The following LRP1B variants were observed in gnomAD, a reference collection of about 807,000 sequenced individuals.
LRP1B encodes the protein low-density lipoprotein receptor-related protein 1B.
Under a neutral mutation model 556.6 loss-of-function variants are expected in LRP1B, and 217 were observed. The ratio of observed to expected loss-of-function variants is 0.39; its 90% CI spans 0.35 to 0.44. The LOEUF is 0.44. LRP1B is among the 20% of genes least tolerant of loss of function. The pLI is 1.00. For synonymous variants in LRP1B, 2,047 were observed against 1,865.8 expected (o/e 1.10, Z -2.50); for missense variants, 5,053 against 5,620.8 (o/e 0.90, Z 3.23).
rs933019568 is a variant in LRP1B at position 141,271,172 on chromosome 2, A to G, written c.344-16531T>C. ...TTAACTAACAGAAGGAAGAAATGAT[A>G]AACTTGAAGTCATATTATATAATCG... On this transcript the variant is annotated intron_variant, in intron 3 of 90. Coordinates refer to ENST00000389484, the MANE Select transcript of LRP1B (RefSeq NM_018557.3). 2.0e-5 allele frequency among the ~76,000 whole-genome samples: 3 copies of G among 151,886 alleles called. No individual in the cohort carries two copies. In the East Asian group the frequency reaches 5.8e-4, roughly 29 times the overall value.
intron 1 of LRP1B, among the ~76,000 whole-genome samples, chr2:142,106,556 A>C (rs1706753023): frequency 6.6e-6 from 1 of 152,178 alleles, no homozygotes; most frequent in African/African-American, 2.4e-5. Flanking sequence ...ATACTCCATT[A>C]TAAATTCTAT....
intron 43 of LRP1B, among the ~76,000 whole-genome samples, chr2:140,542,861 G>A (rs907740801): frequency 3.3e-5 from 5 of 152,078 alleles, no homozygotes; most frequent in South Asian, 2.1e-4. Context: ...TGATAAGTGC[G>A]TGCACATGTG....
chr2:140,525,903 G>A lies in LRP1B; in HGVS notation c.7967C>T (p.Thr2656Ile), dbSNP rs201766309. 6.8e-6 allele frequency: 11 copies of A among 1,612,416 alleles called. No homozygotes were observed. The East Asian group carries it at 2.5e-4, about 36-fold the overall frequency. ...CNSTSLCVLP[T>I]WICDGSNDCG... is the part of the protein sequence containing the mutation. ...GTCATTAGACCCGTCGCATATCCAG[G>A]TTGGCAGAACACACAGTGAGGTAGA... Residue 2656 changes from threonine to isoleucine, a missense_variant, in exon 49 of 91, where the codon ACC becomes ATC. Coordinates refer to ENST00000389484, the MANE Select transcript of LRP1B (RefSeq NM_018557.3).
chr2:140,858,532 G>GAGAGAGAGAGA, intron 27 of LRP1B, among the ~76,000 whole-genome samples: 1 of 143,420 alleles, frequency 7.0e-6, no homozygotes, highest in Non-Finnish European at 1.5e-5. Flanking sequence ...GAGAGAGAAA[G>GAGAGAGAGAGA]GAAAGAGAAA....
intron 1 of LRP1B, among the ~76,000 whole-genome samples, chr2:141,908,073 T>C (rs1699806026): frequency 6.6e-6 from 1 of 152,068 alleles, no homozygotes; most frequent in African/African-American, 2.4e-5. Flanking sequence ...TAAAATATGC[T>C]GCAGTAAATC....
intron 7 of LRP1B, among the ~76,000 whole-genome samples, chr2:141,073,647 T>C (rs1422040003): frequency 6.6e-6 from 1 of 152,122 alleles, no homozygotes; most frequent in African/African-American, 2.4e-5. Context: ...ATCTCATATA[T>C]AACATACCTA....
At chr2:140,665,393 T>C (rs1306277527) in intron 41 of LRP1B, among the ~76,000 whole-genome samples, 5 of 152,196 alleles carry the variant, frequency 3.3e-5, no homozygotes. Flanking sequence ...CCTGGTCCAG[T>C]ATTTTTCTAC....
At chr2:141,795,047 T>G (rs1416781874) in intron 2 of LRP1B, among the ~76,000 whole-genome samples, 1 of 152,122 alleles carries the variant, frequency 6.6e-6, no homozygotes, top group Non-Finnish European at 1.5e-5. Flanking sequence ...ATTGTATTAA[T>G]TGATTTTCAA....
Position 141,062,125 on chromosome 2 carries a change from C to T in LRP1B, c.1162G>A (p.Asp388Asn), listed in dbSNP as rs2105468297. 6.2e-7 allele frequency: 1 copy of T among 1,612,120 alleles called. No individual in the cohort carries two copies. Among genetic ancestry groups the T allele is most frequent in the East Asian group, 2.2e-5 (1 of 44,792 alleles). ...ACTCCCACATAGTCCAAGTAAAGATCTACCCAGTAAACCAATTTGTTGACT... is the reference window on the plus strand; with the variant it reads ...ACTCCCACATAGTCCAAGTAAAGATTTACCCAGTAAACCAATTTGTTGACT... ...DLVNKLVYWVDLYLDYVGVVD... is the reference protein window; with the variant it reads ...DLVNKLVYWVNLYLDYVGVVD... Residue 388 changes from aspartate to asparagine, a missense_variant, in exon 8 of 91, where the codon GAT (aspartate) becomes AAT (asparagine). By Grantham distance (23) the Asp-to-Asn change is conservative (BLOSUM62 1). Around this residue, in one of 5 missense-constraint regions of LRP1B, gnomAD observed 3,619 missense variants for 3,931.9 expected, o/e 0.92. Transcript: ENST00000389484.
At chr2:140,408,767 G>T (rs1558862342) in intron 66 of LRP1B, among the ~76,000 whole-genome samples, 1 of 151,734 alleles carries the variant, frequency 6.6e-6, no homozygotes, top group Admixed American at 6.6e-5. Context: ...CTACATCAGA[G>T]AAAAAAATGA....
At chr2:140,908,254 C>A (rs962369421) in intron 21 of LRP1B, among the ~76,000 whole-genome samples, 177 bp from the exon 22 acceptor site, 13 of 150,980 alleles carry the variant, frequency 8.6e-5, no homozygotes, top group Admixed American at 3.3e-4. Flanking sequence ...ATATTTCTTG[C>A]CCTGGTCTTA....
At chr2:142,123,001 G>T (rs1707512109) in intron 1 of LRP1B, among the ~76,000 whole-genome samples, 1 of 152,044 alleles carries the variant, frequency 6.6e-6, no homozygotes, top group Non-Finnish European at 1.5e-5. Context: ...CTGAGCAGTA[G>T]TGGACAGAAG....
chr2:141,948,071 G>A (rs538224939), intron 1 of LRP1B, among the ~76,000 whole-genome samples: 1 of 152,184 alleles, frequency 6.6e-6, no homozygotes, highest in Admixed American at 6.5e-5. Context: ...GCCGCCGTGG[G>A]CAGATTACTT....
intron 86 of LRP1B, among the ~76,000 whole-genome samples, chr2:140,264,167 A>G (rs1051012714): frequency 8.6e-5 from 11 of 128,448 alleles, no homozygotes; most frequent in Non-Finnish European, 2.1e-4. Flanking sequence ...CCCTTCTTAC[A>G]AAGACACCAG....
chr2:141,562,552 C>T (rs1396935897), intron 2 of LRP1B, among the ~76,000 whole-genome samples: 1 of 151,902 alleles, frequency 6.6e-6, no homozygotes, highest in East Asian at 1.9e-4. Context: ...CTCTACATAG[C>T]TCCATAATAA....
At chr2:140,522,370 GA>G (rs1450869331) in intron 49 of LRP1B, among the ~76,000 whole-genome samples, 1 of 151,888 alleles carries the variant, frequency 6.6e-6, no homozygotes, top group Non-Finnish European at 1.5e-5. Context: ...ATGATTATTT[GA>G]AACAAATGAA....
chr2:140,847,078 T>A (rs1311233376), intron 29 of LRP1B, among the ~76,000 whole-genome samples: 2 of 152,170 alleles, frequency 1.3e-5, no homozygotes, highest in Non-Finnish European at 1.5e-5. Context: ...CTCTTTGATA[T>A]CTCTATAATT....
At chr2:140,867,904 A>G (rs2105154868) in intron 26 of LRP1B, 70 bp from the exon 27 acceptor site, 1 of 1,425,080 alleles carries the variant, frequency 7.0e-7, no homozygotes, top group South Asian at 1.6e-5. Flanking sequence ...TAATCATGTA[A>G]CTCAGCTAAA....
At chr2:141,430,986 A>T (rs4480936) in intron 3 of LRP1B, among the ~76,000 whole-genome samples, 38,659 of 151,412 alleles carry the variant, frequency 0.26, 5,136 homozygotes, top group African/African-American at 0.32. Flanking sequence ...ATTAAAAGAA[A>T]ATTAGCCAGG....
Sources: gnomAD v4.1 joint callset for allele counts (sites outside exome capture counted in the v4.1 genomes callset) on GRCh38, gnomAD v4.1.1 for gene constraint, gnomAD v4.1.1 regional missense constraint, MANE v1.5 for transcripts, NCBI Gene and HGNC (gene_info 2026-07-23, HGNC 2026-07-21) for gene names.